CSMD1: variants seen among roughly 807,000 people sequenced by gnomAD.
CSMD1 encodes CUB and sushi domain-containing protein 1.
A neutral mutation model predicts 417.5 loss-of-function variants in CSMD1; 213 were observed. That is an observed-to-expected ratio of 0.51 (90% CI 0.46 to 0.57). The LOEUF (loss-of-function observed/expected upper bound fraction) is 0.57, where lower values mean the gene tolerates loss of function less well. Ranked by LOEUF, CSMD1 falls within the 20% of genes least tolerant of loss-of-function variation. The pLI, the probability that CSMD1 is intolerant of heterozygous loss-of-function variation, is 0.00. For synonymous variants in CSMD1, 2,862 were observed against 1,736.8 expected (o/e 1.65, Z -16.11); for missense variants, 6,923 against 4,529.7 (o/e 1.53, Z -15.17).
intron 5 of CSMD1, among the ~76,000 whole-genome samples, chr8:3,789,721 G>A (rs977495357): frequency 2.2e-5 from 3 of 136,566 alleles, no homozygotes; most frequent in Non-Finnish European, 4.5e-5. Flanking sequence ...AAATGATCAT[G>A]GTTAATTTTT....
intron 23 of CSMD1, among the ~76,000 whole-genome samples, chr8:3,314,797 C>T (rs1272010111): frequency 6.6e-6 from 1 of 152,174 alleles, no homozygotes; most frequent in South Asian, 2.1e-4. Flanking sequence ...TTTTAGCTTT[C>T]AAGTATTCGG....
chr8:3,821,269 A>G (rs1801720538), intron 5 of CSMD1, among the ~76,000 whole-genome samples: 1 of 152,178 alleles, frequency 6.6e-6, no homozygotes. Flanking sequence ...ATAACAATCA[A>G]AAGTATAGGA....
rs184855720 is a variant in CSMD1, at chr8:3,502,147, G to A, written c.1345-8421C>T. Among the ~76,000 whole-genome samples the A allele has an allele frequency of 3.9e-3, 587 of 152,058 alleles. 3 individuals carry two copies. Among genetic ancestry groups the A allele is most frequent in the African/African-American group, 0.012 (477 of 41,476 alleles). On this transcript the variant is annotated intron_variant, in intron 10 of 69. Coordinates refer to ENST00000635120, the MANE Select transcript of CSMD1 (RefSeq NM_033225.6). ...TGGAAGGCTGAGGCTGGCAGATCAC[G>A]AGGTCAGGAGATCGAGACCATACTG...
Position 3,329,362 on chromosome 8 carries a change from T to A in CSMD1, c.3631+13932A>T, listed in dbSNP as rs545122577. ...CATTTGCAGCGTGACAGAGCCCAGTTCTGCAGGAGAAAGGAATGATAAGCA... is the reference window on the plus strand; with the variant it reads ...CATTTGCAGCGTGACAGAGCCCAGTACTGCAGGAGAAAGGAATGATAAGCA... On this transcript the variant is annotated intron_variant, in intron 23 of 69. Coordinates refer to ENST00000635120, the MANE Select transcript of CSMD1 (RefSeq NM_033225.6). 8.0e-4 allele frequency among the ~76,000 whole-genome samples: 121 copies of A among 152,102 alleles called. 1 individual carries two copies. The highest frequency in any genetic ancestry group is 2.7e-3 in the Admixed American group (41 of 15,270).
At chr8:4,884,238 T>G (rs1803584804) in intron 1 of CSMD1, among the ~76,000 whole-genome samples, 1 of 152,010 alleles carries the variant, frequency 6.6e-6, no homozygotes, top group Non-Finnish European at 1.5e-5. Flanking sequence ...CACACATACC[T>G]ATGTTTATAT....
chr8:4,171,107 C>G (rs1387626658), intron 3 of CSMD1, among the ~76,000 whole-genome samples: 1 of 151,848 alleles, frequency 6.6e-6, no homozygotes, highest in Non-Finnish European at 1.5e-5. Flanking sequence ...GTACTACCTG[C>G]CCTTCAGCAC....
intron 12 of CSMD1, among the ~76,000 whole-genome samples, chr8:3,467,700 C>A (rs577803429): frequency 2.0e-5 from 3 of 151,768 alleles, no homozygotes; most frequent in Admixed American, 2.0e-4. Flanking sequence ...TTATCCCACA[C>A]AGAGAGAGAG....
At chr8:3,611,687 C>T (rs2117139817) in intron 8 of CSMD1, among the ~76,000 whole-genome samples, 1 of 152,104 alleles carries the variant, frequency 6.6e-6, no homozygotes, top group Non-Finnish European at 1.5e-5. Context: ...GCTTTCAGAT[C>T]CTCCTAATGA....
chr8:4,137,129 A>G (rs1563171575), intron 3 of CSMD1, among the ~76,000 whole-genome samples: 1 of 152,202 alleles, frequency 6.6e-6, no homozygotes, highest in Non-Finnish European at 1.5e-5. Context: ...AACAGAGAAT[A>G]AGCCATTCAT....
intron 5 of CSMD1, among the ~76,000 whole-genome samples, chr8:3,956,534 T>C (rs1471953388): frequency 2.0e-5 from 3 of 152,176 alleles, no homozygotes; most frequent in South Asian, 4.1e-4. Flanking sequence ...TCAGTAAAAA[T>C]AATGGCTACT....
At chr8:4,415,490 G>A (rs1467578705) in intron 3 of CSMD1, among the ~76,000 whole-genome samples, 1 of 152,054 alleles carries the variant, frequency 6.6e-6, no homozygotes, top group Non-Finnish European at 1.5e-5. Context: ...CCTCTACATG[G>A]CCCACGTAGA....
At chr8:2,993,128 AT>A (rs1234106356) in intron 54 of CSMD1, among the ~76,000 whole-genome samples, 1 of 152,082 alleles carries the variant, frequency 6.6e-6, no homozygotes, top group Non-Finnish European at 1.5e-5. Flanking sequence ...CCCAAAGCAG[AT>A]TTTTTTTACT....
At chr8:3,710,147 G>T in intron 6 of CSMD1, among the ~76,000 whole-genome samples, 1 of 151,612 alleles carries the variant, frequency 6.6e-6, no homozygotes, top group Non-Finnish European at 1.5e-5. Flanking sequence ...GATATTTTTA[G>T]GCTATAAGAG....
intron 2 of CSMD1, among the ~76,000 whole-genome samples, chr8:4,422,699 A>G (rs1020803579): frequency 1.3e-5 from 2 of 152,094 alleles, no homozygotes; most frequent in Admixed American, 1.3e-4. Context: ...AGAGACTAAG[A>G]CACTCTAATA....
At chr8:3,566,970 G>A (rs1799740721) in intron 10 of CSMD1, among the ~76,000 whole-genome samples, 1 of 152,188 alleles carries the variant, frequency 6.6e-6, no homozygotes. Flanking sequence ...AAAGACACAT[G>A]CAGGTATAAG....
chr8:4,162,493 T>C (rs1797231636), intron 3 of CSMD1, among the ~76,000 whole-genome samples: 1 of 152,214 alleles, frequency 6.6e-6, no homozygotes, highest in African/African-American at 2.4e-5. Flanking sequence ...ATGAACAGTT[T>C]TGATCCTCAT....
chr8:4,879,213 G>A (rs1187994489), intron 1 of CSMD1, among the ~76,000 whole-genome samples: 4 of 152,026 alleles, frequency 2.6e-5, no homozygotes, highest in Non-Finnish European at 5.9e-5. Flanking sequence ...TGGCTGCAGC[G>A]TTTCATGAAC....
intron 5 of CSMD1, among the ~76,000 whole-genome samples, chr8:3,955,493 A>G (rs867831183): frequency 3.4e-4 from 51 of 152,142 alleles, no homozygotes; most frequent in African/African-American, 1.1e-3. Context: ...CATTCTCTCT[A>G]CTCATGTTTG....
At chr8:3,981,665 C>G (rs896954844) in intron 5 of CSMD1, among the ~76,000 whole-genome samples, 2 of 152,048 alleles carry the variant, frequency 1.3e-5, no homozygotes, top group Admixed American at 1.3e-4. Context: ...GTCATAGTTT[C>G]CTTCTTTGAC....
Sources: gnomAD v4.1 joint callset for allele counts (sites outside exome capture counted in the v4.1 genomes callset) on GRCh38, gnomAD v4.1.1 for gene constraint, MANE v1.5 for transcripts, NCBI Gene and HGNC (gene_info 2026-07-23, HGNC 2026-07-21) for gene names.